Variants in PFDN1 observed in about 807,000 individuals in gnomAD.
PFDN1 encodes the protein prefoldin 1.
A neutral mutation model predicts 17.3 loss-of-function variants in PFDN1; 6 were observed. That is an observed-to-expected ratio of 0.35 (90% CI 0.19 to 0.69). The LOEUF (loss-of-function observed/expected upper bound fraction) is 0.69. Among genes scored for constraint, PFDN1 ranks in the 30% least tolerant of loss-of-function variants. PFDN1 has a pLI of 0.65. For missense variants in PFDN1, 113 were observed against 146.2 expected (o/e 0.77, Z 1.17); for synonymous variants, 58 against 50.1 (o/e 1.16, Z -0.67).
chr5:140,282,376 C>T (rs1351658178), intron 2 of PFDN1, among the ~76,000 whole-genome samples: 4 of 147,498 alleles, frequency 2.7e-5, no homozygotes, highest in African/African-American at 1.0e-4. Flanking sequence ...ATTTTTTAAA[C>T]TATATTTGTA....
intron 3 of PFDN1, among the ~76,000 whole-genome samples, chr5:140,246,986 C>T (rs1344554309): frequency 6.6e-6 from 1 of 152,176 alleles, no homozygotes; most frequent in Non-Finnish European, 1.5e-5. Context: ...AATACAGTCA[C>T]CAGGCAGCCC....
chr5:140,253,468 C>T (rs1764945063), intron 3 of PFDN1, among the ~76,000 whole-genome samples: 1 of 152,160 alleles, frequency 6.6e-6, no homozygotes, highest in Non-Finnish European at 1.5e-5. Flanking sequence ...GCTCGGTCCC[C>T]CTGAGGTTTA....
chr5:140,290,553 C>T (rs1448464044), intron 2 of PFDN1, among the ~76,000 whole-genome samples: 1 of 152,122 alleles, frequency 6.6e-6, no homozygotes, highest in Non-Finnish European at 1.5e-5. Context: ...AAAGTACATA[C>T]TATAATGACT....
At chr5:140,246,776 A>G (rs550506197) in intron 3 of PFDN1, among the ~76,000 whole-genome samples, 1 of 152,292 alleles carries the variant, frequency 6.6e-6, no homozygotes, top group East Asian at 1.9e-4. Context: ...ATGTCTGTAC[A>G]TTATTTGCCC....
At chr5:140,281,389 G>C in intron 3 of PFDN1, 60 bp downstream of exon 3, 1 of 740,656 alleles carries the variant, frequency 1.4e-6, no homozygotes, top group East Asian at 2.5e-5. Context: ...CATTTAATAT[G>C]ACACAATAAG....
At chr5:140,279,329 A>G (rs539620517) in intron 3 of PFDN1, among the ~76,000 whole-genome samples, 2 of 152,284 alleles carry the variant, frequency 1.3e-5, no homozygotes, top group East Asian at 3.9e-4. Flanking sequence ...AAAATGAAAA[A>G]TTAAAAAAGA....
At chr5:140,282,285 C>T (rs187363688) in intron 2 of PFDN1, among the ~76,000 whole-genome samples, 8 of 150,382 alleles carry the variant, frequency 5.3e-5, no homozygotes, top group East Asian at 3.9e-4. Context: ...ATATATCATA[C>T]GCTAAGAGAA....
rs781609052 is a variant in PFDN1, at chr5:140,281,501, C to T, written c.233G>A (p.Ser78Asn). The change falls in exon 3 of 4, where the codon AGT becomes AAT. Residue 78 changes from serine (S) to asparagine (N), a missense_variant. Transcript: ENST00000261813. The stretch of plus-strand genomic sequence containing the variant: ...TATTTTCTGCTTCTCTAACAGCTGA[C>T]TGTGAATTGCTTCCTTGGACTGAAG... ...FILQSKEAIH[S>N]QLLEKQKIAE... 9 of 1,593,324 alleles carry T rather than the reference C, an allele frequency of 5.6e-6. No individual in the cohort carries two copies. The African/African-American group carries it at 8.1e-5, about 14-fold the overall frequency.
intron 3 of PFDN1, among the ~76,000 whole-genome samples, chr5:140,252,603 C>G (rs778271538): frequency 3.9e-5 from 6 of 152,220 alleles, no homozygotes; most frequent in Non-Finnish European, 8.8e-5. Context: ...CACTAATTCT[C>G]GTGTTCGCTC....
intron 2 of PFDN1, among the ~76,000 whole-genome samples, chr5:140,282,738 A>G (rs1046353862): frequency 3.9e-5 from 6 of 152,188 alleles, no homozygotes; most frequent in Non-Finnish European, 7.3e-5. Context: ...AAGGAAGAAC[A>G]AACTTTTATA....
intron 3 of PFDN1, among the ~76,000 whole-genome samples, chr5:140,251,068 G>A (rs527994330): frequency 6.6e-6 from 1 of 152,100 alleles, no homozygotes; most frequent in South Asian, 2.1e-4. Context: ...CCGAGTAGCT[G>A]AGGATTACAG....
chr5:140,268,515 C>T (rs1010846036), intron 3 of PFDN1, among the ~76,000 whole-genome samples: 9 of 151,808 alleles, frequency 5.9e-5, no homozygotes, highest in African/African-American at 1.9e-4. Context: ...GTTATGGTGG[C>T]GCACCCTGTA....
At chr5:140,288,783 G>T (rs906415143) in intron 2 of PFDN1, among the ~76,000 whole-genome samples, 2 of 149,872 alleles carry the variant, frequency 1.3e-5, no homozygotes, top group Non-Finnish European at 3.0e-5. Context: ...TCTGTAGTTC[G>T]ACACCAGCCT....
chr5:140,276,030 AT>A (rs1475181812), intron 3 of PFDN1, among the ~76,000 whole-genome samples: 1 of 100,424 alleles, frequency 1.0e-5, no homozygotes, highest in Non-Finnish European at 2.4e-5. Context: ...GATGATGATG[AT>A]GATGATGATG....
chr5:140,278,557 CAAAAAAAAA>C (rs113129230), intron 3 of PFDN1, among the ~76,000 whole-genome samples: 13 of 79,016 alleles, frequency 1.6e-4, no homozygotes, highest in South Asian at 3.7e-4. Flanking sequence ...GACTCTGTCT[CAAAAAAAAA>C]AAAAAAAAAA....
chr5:140,283,716 A>T (rs6859064), intron 2 of PFDN1, among the ~76,000 whole-genome samples: 28,427 of 152,172 alleles, frequency 0.19, 2,856 homozygotes, highest in South Asian at 0.24. Flanking sequence ...TATTTCAGAT[A>T]AGATTATGGT....
At chr5:140,290,584 T>C (rs1415871472) in intron 2 of PFDN1, among the ~76,000 whole-genome samples, 1 of 152,176 alleles carries the variant, frequency 6.6e-6, no homozygotes, top group African/African-American at 2.4e-5. Flanking sequence ...ATTGCATCTA[T>C]ATAAAGTTCT....
intron 3 of PFDN1, among the ~76,000 whole-genome samples, chr5:140,253,775 G>T (rs2126679173): frequency 6.6e-6 from 1 of 152,348 alleles, no homozygotes; most frequent in East Asian, 1.9e-4. Flanking sequence ...GTTCAGAGAA[G>T]ATTAAGGGAA....
intron 3 of PFDN1, among the ~76,000 whole-genome samples, chr5:140,280,501 T>C (rs1765383882): frequency 6.6e-6 from 1 of 152,212 alleles, no homozygotes; most frequent in Admixed American, 6.5e-5. Context: ...ATCAAGTTTG[T>C]TTCAACTATC....
Sources: allele counts gnomAD v4.1 joint callset (sites outside exome capture counted in the v4.1 genomes callset), GRCh38; gene constraint gnomAD v4.1.1; transcripts MANE v1.5; gene names NCBI Gene and HGNC (gene_info 2026-07-23, HGNC 2026-07-21).